PDE8B: variants seen among roughly 807,000 people sequenced by gnomAD.
PDE8B encodes the protein phosphodiesterase 8B, also known as high affinity cAMP-specific and IBMX-insensitive 3',5'-cyclic phosphodiesterase 8B.
A neutral mutation model predicts 101.3 loss-of-function variants in PDE8B; 26 were observed. The observed-to-expected ratio is 0.26, with a 90% CI of 0.19 to 0.36. PDE8B has a LOEUF of 0.36. Ranked by LOEUF, PDE8B falls within the 10% of genes least tolerant of loss-of-function variation. The probability of loss-of-function intolerance (pLI) is 1.00; values close to 1 mark genes in which losing one functional copy is unlikely to be tolerated. For missense variants in PDE8B, 810 were observed against 1,163.1 expected, an observed-to-expected ratio of 0.70 and a Z score of 4.42; for synonymous variants, 424 against 429.3, an observed-to-expected ratio of 0.99 and a Z score of 0.15.
intron 1 of PDE8B, among the ~76,000 whole-genome samples, chr5:77,302,826 A>G (rs1770280168): frequency 6.6e-6 from 1 of 152,166 alleles, no homozygotes; most frequent in Non-Finnish European, 1.5e-5. Context: ...GGGGCCCAGG[A>G]TGCCCTGTGG....
chr5:77,260,544 A>C (rs1760320775), intron 1 of PDE8B, among the ~76,000 whole-genome samples: 1 of 148,400 alleles, frequency 6.7e-6, no homozygotes, highest in African/African-American at 2.5e-5. Flanking sequence ...AAGTGAGTAT[A>C]TCCTTGGGTA....
intron 1 of PDE8B, among the ~76,000 whole-genome samples, chr5:77,296,956 A>T (rs1768721009): frequency 1.3e-5 from 2 of 152,034 alleles, no homozygotes; most frequent in African/African-American, 4.8e-5. Context: ...CCTTTCCTGT[A>T]TGCTGGTGTC....
At chr5:77,215,562 C>T (rs1749492000) in intron 1 of PDE8B, among the ~76,000 whole-genome samples, 1 of 152,186 alleles carries the variant, frequency 6.6e-6, no homozygotes, top group African/African-American at 2.4e-5. Flanking sequence ...GAAAGTAAGT[C>T]CTCAAGCCAG....
the PDE8B span, among the ~76,000 whole-genome samples, chr5:77,203,374 A>G: frequency 1.8e-4 from 27 of 152,262 alleles, no homozygotes; most frequent in East Asian, 3.9e-4. Context: ...TGTTAACGCA[A>G]TTCTCTTGTG....
chr5:77,147,161 G>C, the PDE8B span: 1 of 348,158 alleles, frequency 2.9e-6, no homozygotes. Flanking sequence ...TGATGATAAT[G>C]AGTAAGTTGG....
the PDE8B span, among the ~76,000 whole-genome samples, chr5:77,097,707 C>CATA: frequency 4.8e-5 from 1 of 20,950 alleles, no homozygotes; most frequent in Non-Finnish European, 1.1e-4. Flanking sequence ...ATATATATAT[C>CATA]TATATATATA....
At chr5:77,331,234 A>C in intron 4 of PDE8B, 168 bp from the exon 5 acceptor site, 1 of 741,702 alleles carries the variant, frequency 1.3e-6, no homozygotes, top group Admixed American at 1.7e-5. Flanking sequence ...TGGAAGGTAG[A>C]TGTGGGGTCT....
the PDE8B span, among the ~76,000 whole-genome samples, chr5:77,118,088 C>T: frequency 4.6e-5 from 7 of 152,026 alleles, no homozygotes; most frequent in African/African-American, 1.4e-4. Flanking sequence ...GCATGCACTA[C>T]CACACCCGGC....
chr5:77,292,745 T>C (rs1767646100), intron 1 of PDE8B, among the ~76,000 whole-genome samples: 1 of 152,198 alleles, frequency 6.6e-6, no homozygotes, highest in African/African-American at 2.4e-5. Flanking sequence ...TTAGTAGAGA[T>C]TCAAAAAACT....
intron 1 of PDE8B, among the ~76,000 whole-genome samples, chr5:77,244,130 T>C (rs1416760710): frequency 1.3e-5 from 2 of 152,050 alleles, no homozygotes; most frequent in Non-Finnish European, 2.9e-5. Context: ...ATGATAGGAC[T>C]GCAGGAAACC....
At chr5:77,412,993 CCT>C (rs1794854826) in intron 16 of PDE8B, 116 bp from the exon 17 acceptor site, 7 of 845,068 alleles carry the variant, frequency 8.3e-6, no homozygotes, top group Non-Finnish European at 1.2e-5. Context: ...CTTTTAAACC[CCT>C]GTGTGTGTGA....
the PDE8B span, chr5:77,087,236 A>C: frequency 2.0e-5 from 3 of 152,308 alleles, no homozygotes; most frequent in African/African-American, 7.2e-5. Flanking sequence ...CCCCTTAAAG[A>C]CACAGCGCTG....
At chr5:77,258,010 CG>C (rs896750976) in intron 1 of PDE8B, among the ~76,000 whole-genome samples, 1 of 152,072 alleles carries the variant, frequency 6.6e-6, no homozygotes, top group Admixed American at 6.5e-5. Flanking sequence ...CCAGAGCAGC[CG>C]GGTGCAGTGG....
At chr5:77,123,441 G>A in the PDE8B span, among the ~76,000 whole-genome samples, 67,310 of 148,702 alleles carry the variant, frequency 0.45, 15,944 homozygotes, top group East Asian at 0.65. Context: ...TCAAACCATA[G>A]CATTACTTGA....
the PDE8B span, chr5:77,087,273 G>T: frequency 6.6e-6 from 1 of 152,460 alleles, no homozygotes; most frequent in Non-Finnish European, 1.5e-5. Flanking sequence ...GGGAAAGGGG[G>T]GCCGTCACGT....
At chr5:77,203,073 A>G in the PDE8B span, among the ~76,000 whole-genome samples, 1 of 152,218 alleles carries the variant, frequency 6.6e-6, no homozygotes, top group East Asian at 1.9e-4. Context: ...TTAGTCTGGC[A>G]TTTGGCTCCC....
the PDE8B span, among the ~76,000 whole-genome samples, chr5:77,099,206 C>T: frequency 1.9e-4 from 29 of 152,064 alleles, no homozygotes; most frequent in African/African-American, 6.8e-4. Context: ...AAACATAGTG[C>T]GCTAAGCTTG....
chr5:77,358,987 G>T (rs1048300482), intron 10 of PDE8B, among the ~76,000 whole-genome samples: 1 of 152,152 alleles, frequency 6.6e-6, no homozygotes, highest in East Asian at 1.9e-4. Flanking sequence ...TTAAAGAAAG[G>T]CCTCTGATAT....
intron 20 of PDE8B, among the ~76,000 whole-genome samples, chr5:77,423,477 C>T (rs189048335): frequency 1.3e-5 from 2 of 152,256 alleles, no homozygotes; most frequent in Admixed American, 6.5e-5. Flanking sequence ...ATTTATTTCT[C>T]ACCAACAGTG....
Sources: allele counts gnomAD v4.1 joint callset (sites outside exome capture counted in the v4.1 genomes callset), GRCh38; gene constraint gnomAD v4.1.1; transcripts MANE v1.5; gene names NCBI Gene and HGNC (gene_info 2026-07-23, HGNC 2026-07-21).